Variants in ZNF705B observed in about 807,000 individuals in gnomAD.
ZNF705B encodes the protein Putative zinc finger protein 705D-like protein LOC100132396.
A neutral mutation model predicts 10.5 loss-of-function variants in ZNF705B; 1 was observed. That is an observed-to-expected ratio of 0.10 (90% CI 0.03 to 0.45). The LOEUF is 0.45. Ranked by LOEUF, ZNF705B falls within the 20% of genes least tolerant of loss-of-function variation. The probability of loss-of-function intolerance (pLI) is 0.97; values close to 1 mark genes in which losing one functional copy is unlikely to be tolerated. For synonymous variants in ZNF705B, 4 were observed against 25.4 expected (o/e 0.16, Z 2.53); for missense variants, 14 against 84.0 (o/e 0.17, Z 3.26).
At chr8:7,928,879 T>G (rs1819768558) in intron 1 of ZNF705B, among the ~76,000 whole-genome samples, 1 of 106,306 alleles carries the variant, frequency 9.4e-6, no homozygotes, top group Non-Finnish European at 2.3e-5. Flanking sequence ...CTCTCATTTA[T>G]AAGTGGGAGC....
chr8:7,940,623 C>A (rs373851906), intron 2 of ZNF705B, among the ~76,000 whole-genome samples: 1 of 144,240 alleles, frequency 6.9e-6, no homozygotes, highest in Admixed American at 7.1e-5. Flanking sequence ...CTGGCAACCA[C>A]CATTCTACTC....
rs960119691 is a variant in ZNF705B, at chr8:7,926,397, G to A, written c.-222G>A. 2.5e-5 allele frequency: 3 copies of A among 118,786 alleles called. No homozygotes were observed. Among genetic ancestry groups the A allele is most frequent in the East Asian group, 2.4e-4 (1 of 4,166 alleles). The allele number at this position is 118,786 out of a possible 1,614,324, so 7.4% of individuals were successfully genotyped here. On this transcript the variant is annotated splice_region_variant and 5_prime_UTR_variant, in exon 1 of 7. Coordinates refer to ENST00000400120, the MANE Select transcript of ZNF705B (RefSeq NM_001193630.1). ...TGGAGGGTGGAGGAACCAACTGCAA[G>A]GTGGGTTTCCAGTAGGGCCAACTGG...
In ZNF705B at chr8:7,936,643, T is replaced by C. The variant is rs1448230011; in HGVS notation, c.-72+6207T>C. Among the ~76,000 whole-genome samples, 2 of 118,886 alleles carry C rather than the reference T, an allele frequency of 1.7e-5. 1 individual carries two copies. Among genetic ancestry groups the C allele is most frequent in the Non-Finnish European group, 4.0e-5 (2 of 49,964 alleles). The allele number at this position is 118,886 out of a possible 152,430, so 78.0% of individuals were successfully genotyped here. A position where few individuals can be genotyped will look rare whatever the true frequency, so the allele number is the denominator to read the frequency against. ...GAACAGGAAGACAAATACCACATATTCTCAGTTATAAGGGGGAGCCGAGCA... is the reference window on the plus strand; with the variant it reads ...GAACAGGAAGACAAATACCACATATCCTCAGTTATAAGGGGGAGCCGAGCA... On this transcript the variant is annotated intron_variant, in intron 2 of 6. Coordinates refer to ENST00000400120, the MANE Select transcript of ZNF705B (RefSeq NM_001193630.1).
chr8:7,928,096 C>T (rs1246590537), intron 1 of ZNF705B, among the ~76,000 whole-genome samples: 3 of 118,708 alleles, frequency 2.5e-5, no homozygotes, highest in African/African-American at 7.7e-5. Flanking sequence ...ATCAAGACAC[C>T]GGCATAGGTG....
At chr8:7,931,628 G>C (rs1168384628) in intron 2 of ZNF705B, among the ~76,000 whole-genome samples, 2 of 122,198 alleles carry the variant, frequency 1.6e-5, no homozygotes, top group Non-Finnish European at 3.9e-5. Context: ...CTGTGCTCTG[G>C]CCCTGGAATA....
intron 1 of ZNF705B, among the ~76,000 whole-genome samples, chr8:7,927,286 T>C (rs1288983939): frequency 8.3e-6 from 1 of 119,998 alleles, no homozygotes; most frequent in African/African-American, 2.5e-5. Flanking sequence ...AAGTTTTAAA[T>C]TTTAGGGATT....
intron 1 of ZNF705B, among the ~76,000 whole-genome samples, chr8:7,928,293 G>C (rs1819752844): frequency 8.3e-6 from 1 of 120,310 alleles, no homozygotes; most frequent in Non-Finnish European, 2.0e-5. Flanking sequence ...TTCAACAGAT[G>C]AATGGGGAGA....
At chr8:7,931,718 G>A (rs1819855272) in intron 2 of ZNF705B, among the ~76,000 whole-genome samples, 1 of 130,690 alleles carries the variant, frequency 7.7e-6, no homozygotes, top group Non-Finnish European at 1.8e-5. Flanking sequence ...GGTCAGGATT[G>A]CTGTCAGTGT....
At chr8:7,940,607 G>C (rs2739919) in intron 2 of ZNF705B, among the ~76,000 whole-genome samples, 46,109 of 99,108 alleles carry the variant, frequency 0.47, 8,681 homozygotes, top group Admixed American at 0.55. Flanking sequence ...CCCAGCACCA[G>C]GGCCCCTGGC....
At chr8:7,932,939 T>G (rs1819891456) in intron 2 of ZNF705B, among the ~76,000 whole-genome samples, 3 of 108,940 alleles carry the variant, frequency 2.8e-5, no homozygotes, top group Non-Finnish European at 6.6e-5. Flanking sequence ...GTAAAAGCAC[T>G]CAGTGGCTGT....
At chr8:7,929,296 A>C (rs1819778546) in intron 1 of ZNF705B, among the ~76,000 whole-genome samples, 2 of 121,736 alleles carry the variant, frequency 1.6e-5, no homozygotes, top group African/African-American at 5.0e-5. Context: ...CTGCCCTTAC[A>C]TGGTCTGGCA....
intron 2 of ZNF705B, among the ~76,000 whole-genome samples, chr8:7,940,856 C>G (rs1467276416): frequency 7.0e-6 from 1 of 143,394 alleles, no homozygotes; most frequent in South Asian, 2.4e-4. Flanking sequence ...TGCCTCCCAA[C>G]AGGCCCCAGT....
chr8:7,930,837 A>ATTT (rs1273091582), intron 2 of ZNF705B, among the ~76,000 whole-genome samples: 3 of 69,700 alleles, frequency 4.3e-5, no homozygotes, highest in African/African-American at 1.1e-4. Flanking sequence ...GTGTTGTGTT[A>ATTT]TTTTTTTTGT....
intron 2 of ZNF705B, among the ~76,000 whole-genome samples, chr8:7,931,370 T>G (rs1159641511): frequency 8.2e-6 from 1 of 121,900 alleles, no homozygotes; most frequent in African/African-American, 2.5e-5. Flanking sequence ...ACAGCCGTGA[T>G]GGCAGGATGG....
chr8:7,936,339 G>C (rs1268070391), intron 2 of ZNF705B, among the ~76,000 whole-genome samples: 12 of 119,408 alleles, frequency 1.0e-4, no homozygotes, highest in Non-Finnish European at 2.4e-4. Flanking sequence ...ACTTAATACA[G>C]AACTACCATT....
rs1819797685 is a variant in ZNF705B at position 7,929,996 on chromosome 8, A to C, written c.-221-291A>C. On this transcript the variant is annotated intron_variant, in intron 1 of 6. Transcript: ENST00000400120. ...TGTATGTTCATTTTTTTAAAATTTC[A>C]ACTTATTTTAGATACAGTAGGTACA... 2.0e-5 allele frequency among the ~76,000 whole-genome samples: 2 copies of C among 99,706 alleles called. 1 individual carries two copies. The highest frequency in any genetic ancestry group is 5.6e-5 in the African/African-American group (2 of 35,584). The allele number at this position is 99,706 out of a possible 152,430, so 65.4% of individuals were successfully genotyped here.
intron 2 of ZNF705B, among the ~76,000 whole-genome samples, chr8:7,940,359 C>G (rs1353721267): frequency 6.8e-6 from 1 of 146,656 alleles, no homozygotes; most frequent in Non-Finnish European, 1.5e-5. Context: ...ACCATGAACA[C>G]ATCACTACCA....
Position 7,928,314 on chromosome 8 carries a change from C to T in ZNF705B, c.-222+1917C>T, listed in dbSNP as rs538939161. Among the ~76,000 whole-genome samples the T allele has an allele frequency of 1.7e-5, 2 of 120,766 alleles. 1 individual carries two copies. Among genetic ancestry groups the T allele is most frequent in the Non-Finnish European group, 4.0e-5 (2 of 50,314 alleles). The allele number at this position is 120,766 out of a possible 152,430, so 79.2% of individuals were successfully genotyped here. ...AGATGAATGGGGAGACAGAAATATT[C>T]AAACATTCGGGCCACAGCACTTCCT... is the stretch of plus-strand genomic sequence containing the variant. On this transcript the variant is annotated intron_variant, in intron 1 of 6. Coordinates refer to ENST00000400120, the MANE Select transcript of ZNF705B (RefSeq NM_001193630.1).
Position 7,936,725 on chromosome 8 carries a change from G to A in ZNF705B, c.-72+6289G>A, listed in dbSNP as rs1423891689. ...AGAGAGATTGGGTCTTACCAGGAGG[G>A]GAGGGAGAGGGAGTAAAGTCTGAAA... On this transcript the variant is annotated intron_variant, in intron 2 of 6. Transcript: ENST00000400120. Among the ~76,000 whole-genome samples the A allele has an allele frequency of 5.9e-5, 7 of 118,446 alleles. 2 individuals are homozygous for A. The highest frequency in any genetic ancestry group is 1.4e-4 in the Non-Finnish European group (7 of 49,836). 77.7% of individuals were successfully genotyped at this position (118,446 alleles called of 152,430 possible).
Sources: gnomAD v4.1 joint callset for allele counts (sites outside exome capture counted in the v4.1 genomes callset) on GRCh38, gnomAD v4.1.1 for gene constraint, MANE v1.5 for transcripts, NCBI Gene and HGNC (gene_info 2026-07-23, HGNC 2026-07-21) for gene names.